Variants in FAM78B observed in about 807,000 individuals in gnomAD.
FAM78B encodes protein FAM78B.
Under a neutral mutation model 20.0 loss-of-function variants are expected in FAM78B, and 10 were observed. The observed-to-expected ratio is 0.50, with a 90% CI of 0.31 to 0.85. FAM78B has a LOEUF of 0.85. FAM78B is among the 40% of genes least tolerant of loss of function. FAM78B has a pLI of 0.05. For missense variants in FAM78B, 283 were observed against 345.0 expected (o/e 0.82, Z 1.42); for synonymous variants, 135 against 132.8 (o/e 1.02, Z -0.12).
chr1:166,129,551 C>A (rs74803660), intron 1 of FAM78B, among the ~76,000 whole-genome samples: 4,129 of 152,272 alleles, frequency 0.027, 255 homozygotes, highest in Admixed American at 0.14. Context: ...AGGAAACCCT[C>A]AATTTTAATG....
At chr1:166,135,919 G>C (rs1655047899) in intron 1 of FAM78B, among the ~76,000 whole-genome samples, 1 of 152,210 alleles carries the variant, frequency 6.6e-6, no homozygotes, top group Admixed American at 6.5e-5. Flanking sequence ...GTACAGACCA[G>C]ACTTATTTTC....
intron 1 of FAM78B, among the ~76,000 whole-genome samples, chr1:166,093,299 G>A (rs894168499): frequency 6.6e-6 from 1 of 152,098 alleles, no homozygotes; most frequent in Admixed American, 6.5e-5. Flanking sequence ...CTACATTCCA[G>A]GTGTGAACAA....
chr1:166,061,570 A>T (rs536231477), intron 2 of FAM78B, among the ~76,000 whole-genome samples: 3 of 152,236 alleles, frequency 2.0e-5, no homozygotes, highest in African/African-American at 7.2e-5. Context: ...ACGCCATTAC[A>T]TATATAATTG....
At chr1:166,079,625 G>A (rs551633920) in intron 1 of FAM78B, among the ~76,000 whole-genome samples, 1 of 152,312 alleles carries the variant, frequency 6.6e-6, no homozygotes, top group Non-Finnish European at 1.5e-5. Flanking sequence ...TAGGGGCTGA[G>A]GGTCACTTGT....
At chr1:166,090,804 C>CTGA (rs1000445243) in intron 1 of FAM78B, among the ~76,000 whole-genome samples, 3 of 152,156 alleles carry the variant, frequency 2.0e-5, no homozygotes, top group African/African-American at 7.2e-5. Flanking sequence ...CAAAAGCCAT[C>CTGA]TGGCCATCTG....
chr1:166,115,424 A>G (rs1654217300), intron 1 of FAM78B, among the ~76,000 whole-genome samples: 1 of 152,186 alleles, frequency 6.6e-6, no homozygotes, highest in African/African-American at 2.4e-5. Flanking sequence ...GTGACCAGAG[A>G]GTGCTTTGTG....
chr1:166,161,157 CTTTT>C (rs201739007), intron 1 of FAM78B, among the ~76,000 whole-genome samples: 1 of 145,478 alleles, frequency 6.9e-6, no homozygotes, highest in East Asian at 2.0e-4. Flanking sequence ...GATTTTCTTT[CTTTT>C]TTTTTTTTTG....
At chr1:166,161,904 C>T (rs12410486) in intron 1 of FAM78B, among the ~76,000 whole-genome samples, 4,064 of 152,262 alleles carry the variant, frequency 0.027, 230 homozygotes, top group Admixed American at 0.13. Context: ...GACACACACA[C>T]ATCTGGACTG....
chr1:166,153,271 C>CAGGGAGTCAATGAGA (rs1655754887), intron 1 of FAM78B, among the ~76,000 whole-genome samples: 1 of 152,110 alleles, frequency 6.6e-6, no homozygotes, highest in Admixed American at 6.5e-5. Context: ...GAGCACAAGT[C>CAGGGAGTCAATGAGA]AGGGAGTCAA....
intron 1 of FAM78B, among the ~76,000 whole-genome samples, chr1:166,138,326 C>G (rs1426138561): frequency 6.6e-6 from 1 of 152,206 alleles, no homozygotes; most frequent in Non-Finnish European, 1.5e-5. Context: ...AAGGAAGTTG[C>G]CCACCCCCTG....
At chr1:166,152,654 G>GGATT (rs200685630) in intron 1 of FAM78B, among the ~76,000 whole-genome samples, 2,360 of 140,066 alleles carry the variant, frequency 0.017, 45 homozygotes, top group African/African-American at 0.052. Flanking sequence ...TTGGTACTCT[G>GGATT]GATTTATTTA....
At chr1:166,108,793 G>T (rs1571169462) in intron 1 of FAM78B, among the ~76,000 whole-genome samples, 1 of 152,228 alleles carries the variant, frequency 6.6e-6, no homozygotes, top group East Asian at 1.9e-4. Context: ...AAACAGCATG[G>T]TACTGGTACA....
At chr1:166,129,290 G>A (rs1229843671) in intron 1 of FAM78B, among the ~76,000 whole-genome samples, 1 of 152,258 alleles carries the variant, frequency 6.6e-6, no homozygotes, top group Non-Finnish European at 1.5e-5. Flanking sequence ...TGTTAACTTA[G>A]TTAAATCCAA....
At chr1:166,121,960 GCAC>G (rs1207389739) in intron 1 of FAM78B, among the ~76,000 whole-genome samples, 1 of 152,126 alleles carries the variant, frequency 6.6e-6, no homozygotes, top group African/African-American at 2.4e-5. Context: ...TCCCAACCAG[GCAC>G]TACGGAGCAC....
chr1:166,062,408 T>G (rs928140758), intron 2 of FAM78B, among the ~76,000 whole-genome samples: 1 of 152,258 alleles, frequency 6.6e-6, no homozygotes, highest in Non-Finnish European at 1.5e-5. Flanking sequence ...CCAACTGAGT[T>G]TAAAGCTGCT....
At chr1:166,069,008 A>T (rs765917947), downstream of FAM78B, among the ~76,000 whole-genome samples, 6 of 152,200 alleles carry the variant, frequency 3.9e-5, no homozygotes, top group Non-Finnish European at 7.3e-5. Context: ...GCTTAACATG[A>T]GTAGCTTAGA....
At chr1:166,119,743 C>T (rs1654396829) in intron 1 of FAM78B, among the ~76,000 whole-genome samples, 1 of 152,214 alleles carries the variant, frequency 6.6e-6, no homozygotes, top group African/African-American at 2.4e-5. Flanking sequence ...ATCAGCAGTT[C>T]TAACATAAGT....
At chr1:166,153,797 G>A (rs567833455) in intron 1 of FAM78B, among the ~76,000 whole-genome samples, 126 of 152,238 alleles carry the variant, frequency 8.3e-4, no homozygotes, top group South Asian at 1.7e-3. Flanking sequence ...ATGGCAGGAT[G>A]CTCGGAGGTA....
At chr1:166,129,361 T>C (rs1654785069) in intron 1 of FAM78B, among the ~76,000 whole-genome samples, 1 of 152,162 alleles carries the variant, frequency 6.6e-6, no homozygotes, top group Non-Finnish European at 1.5e-5. Flanking sequence ...CCAGGCTGAG[T>C]TGCTTTTCTT....
Sources: allele counts gnomAD v4.1 joint callset (sites outside exome capture counted in the v4.1 genomes callset), GRCh38; gene constraint gnomAD v4.1.1; transcripts MANE v1.5; gene names NCBI Gene and HGNC (gene_info 2026-07-23, HGNC 2026-07-21).